ANKRD30BL: variants seen among roughly 807,000 people sequenced by gnomAD.
ANKRD30BL encodes the protein putative ankyrin repeat domain-containing protein 30B-like.
Under a neutral mutation model 18.4 loss-of-function variants are expected in ANKRD30BL, and 20 were observed. That is an observed-to-expected ratio of 1.09 (90% CI 0.77 to 1.58). ANKRD30BL has a LOEUF of 1.58. Ranked by LOEUF, ANKRD30BL falls within the 40% of genes most tolerant of loss-of-function variation. The pLI, the probability that ANKRD30BL is intolerant of heterozygous loss-of-function variation, is 0.00. For missense variants in ANKRD30BL, 224 were observed against 268.6 expected (o/e 0.83, Z 1.16); for synonymous variants, 72 against 100.9 (o/e 0.71, Z 1.72).
rs372334095 is a variant in ANKRD30BL at position 132,242,360 on chromosome 2, G to A, written n.441+15169C>T. Among the ~76,000 whole-genome samples the A allele has an allele frequency of 2.0e-4, 31 of 151,796 alleles. No individual in the cohort carries two copies. The East Asian group carries it at 4.6e-3, about 23-fold the overall frequency. On this transcript the variant is annotated intron_variant and non_coding_transcript_variant, in intron 1 of 4. Transcript: ENST00000470729. ...TAGCTTTGAGGATATCGTTGGAAAC[G>A]GGAATATCTTCAAATAAAATCTAGA...
rs58405853 is a variant in ANKRD30BL, at chr2:132,198,427, C to T, written n.442-41281G>A. On this transcript the variant is annotated intron_variant and non_coding_transcript_variant, in intron 1 of 4. Coordinates refer to the ANKRD30BL transcript ENST00000470729. ...CAAGCTCTGCCTCCCGGGTTCACACCATTCTCCTGCCTCAGCTTCCTGAGT... is the reference window on the plus strand; with the variant it reads ...CAAGCTCTGCCTCCCGGGTTCACACTATTCTCCTGCCTCAGCTTCCTGAGT... Among the ~76,000 whole-genome samples, 1,131 of 150,302 alleles carry T rather than the reference C, an allele frequency of 7.5e-3. 10 individuals carry two copies. The highest frequency in any genetic ancestry group is 0.026 in the African/African-American group (1,052 of 40,752).
intron 1 of ANKRD30BL, among the ~76,000 whole-genome samples, chr2:132,196,922 A>C (rs575848558): frequency 1.3e-4 from 20 of 152,354 alleles, no homozygotes; most frequent in African/African-American, 4.6e-4. Context: ...ATTTATCCAG[A>C]TAAAAGGATT....
chr2:132,227,824 C>G (rs1375533053), intron 1 of ANKRD30BL, among the ~76,000 whole-genome samples: 4 of 152,046 alleles, frequency 2.6e-5, no homozygotes, highest in Non-Finnish European at 5.9e-5. Flanking sequence ...TGGAAACACT[C>G]TTTTTGGAGA....
chr2:132,211,127 ATTTCT>A (rs951826311), intron 1 of ANKRD30BL, among the ~76,000 whole-genome samples: 2 of 147,802 alleles, frequency 1.4e-5, no homozygotes, highest in African/African-American at 5.0e-5. Flanking sequence ...AGTGCTTAAC[ATTTCT>A]TTTGATTTAG....
At chr2:132,201,502 A>G (rs1289624726) in intron 1 of ANKRD30BL, among the ~76,000 whole-genome samples, 4 of 152,366 alleles carry the variant, frequency 2.6e-5, no homozygotes, top group South Asian at 2.1e-4. Flanking sequence ...GACACTTCTC[A>G]AAAGAAGACA....
intron 1 of ANKRD30BL, among the ~76,000 whole-genome samples, chr2:132,213,196 C>T (rs2315181): frequency 6.5e-4 from 98 of 151,284 alleles, no homozygotes; most frequent in African/African-American, 2.1e-3. Flanking sequence ...CTTTGTGATG[C>T]GTGCATTCAT....
At chr2:132,230,271 C>G (rs1373025741) in intron 1 of ANKRD30BL, among the ~76,000 whole-genome samples, 1 of 151,724 alleles carries the variant, frequency 6.6e-6, no homozygotes, top group African/African-American at 2.4e-5. Flanking sequence ...ATTTATGGAC[C>G]GCTTTGAGGC....
chr2:132,149,750 T>C (rs1687707503), intron 5 of ANKRD30BL, among the ~76,000 whole-genome samples: 1 of 152,210 alleles, frequency 6.6e-6, no homozygotes, highest in Non-Finnish European at 1.5e-5. Context: ...CACTGCAAGA[T>C]ACTAAGACAA....
chr2:132,185,536 T>C (rs1340325259), intron 1 of ANKRD30BL, among the ~76,000 whole-genome samples: 1 of 152,224 alleles, frequency 6.6e-6, no homozygotes, highest in African/African-American at 2.4e-5. Flanking sequence ...TATATCCATA[T>C]TGATTATAGT....
chr2:132,223,230 C>A (rs2104773433), intron 1 of ANKRD30BL, among the ~76,000 whole-genome samples: 1 of 151,736 alleles, frequency 6.6e-6, no homozygotes, highest in East Asian at 1.9e-4. Flanking sequence ...GGAGAATTTT[C>A]AAGTGGATAT....
At chr2:132,230,244 G>A (rs1027608370) in intron 1 of ANKRD30BL, among the ~76,000 whole-genome samples, 2 of 152,038 alleles carry the variant, frequency 1.3e-5, no homozygotes, top group African/African-American at 4.8e-5. Context: ...CAGTCTTTTA[G>A]TAGAATCTGC....
chr2:132,254,334 C>T (rs79834064), intron 1 of ANKRD30BL, among the ~76,000 whole-genome samples: 10 of 152,224 alleles, frequency 6.6e-5, no homozygotes, highest in African/African-American at 1.4e-4. Context: ...TCCGTGGCTT[C>T]GCTCTTCTCT....
chr2:132,236,212 G>A (rs186201550), intron 1 of ANKRD30BL, among the ~76,000 whole-genome samples: 5 of 152,098 alleles, frequency 3.3e-5, no homozygotes, highest in African/African-American at 7.2e-5. Context: ...AGACTTAAAC[G>A]TTCAACCTAA....
intron 1 of ANKRD30BL, among the ~76,000 whole-genome samples, chr2:132,230,278 A>G (rs1330365402): frequency 6.6e-6 from 1 of 152,124 alleles, no homozygotes; most frequent in South Asian, 2.1e-4. Context: ...GACCGCTTTG[A>G]GGCCTTCATT....
chr2:132,154,880 C>T, intron 3 of ANKRD30BL, 112 bp from the exon 4 acceptor site: 1 of 518,080 alleles, frequency 1.9e-6, no homozygotes, highest in South Asian at 3.1e-5. Flanking sequence ...AAATCAATAG[C>T]AATCCCTTCT....
chr2:132,234,478 G>C (rs1361197983), intron 1 of ANKRD30BL, among the ~76,000 whole-genome samples: 1 of 151,924 alleles, frequency 6.6e-6, no homozygotes, highest in East Asian at 1.9e-4. Context: ...GAATCAAATA[G>C]ACACAATAAA....
At chr2:132,255,906 C>A (rs1680820425) in intron 1 of ANKRD30BL, among the ~76,000 whole-genome samples, 1 of 152,100 alleles carries the variant, frequency 6.6e-6, no homozygotes, top group Non-Finnish European at 1.5e-5. Flanking sequence ...TCCAGAAGCA[C>A]CAAAGCTGGC....
upstream of ANKRD30BL, among the ~76,000 whole-genome samples, chr2:132,163,534 A>ACT (rs1450039449): frequency 6.6e-6 from 1 of 152,004 alleles, no homozygotes; most frequent in Non-Finnish European, 1.5e-5. Flanking sequence ...GGCAACAGAG[A>ACT]CTCTCTCTCA....
At chr2:132,182,165 A>G (rs1162240091) in intron 1 of ANKRD30BL, among the ~76,000 whole-genome samples, 1 of 151,926 alleles carries the variant, frequency 6.6e-6, no homozygotes, top group African/African-American at 2.4e-5. Context: ...TAGGAAGACC[A>G]ATTTAATAAT....
Sources: gnomAD v4.1 joint callset for allele counts (sites outside exome capture counted in the v4.1 genomes callset) on GRCh38, gnomAD v4.1.1 for gene constraint, MANE v1.5 for transcripts, NCBI Gene and HGNC (gene_info 2026-07-23, HGNC 2026-07-21) for gene names.